Variants in A2ML1 observed in about 807,000 individuals in gnomAD.
A2ML1 encodes the protein alpha-2-macroglobulin like 1.
In A2ML1, 161 loss-of-function variants were observed where a neutral mutation model predicts 181.9. The observed-to-expected ratio is 0.89, with a 90% CI of 0.78 to 1.01. The LOEUF (loss-of-function observed/expected upper bound fraction) is 1.01. Ranked by LOEUF, A2ML1 falls within the 50% of genes least tolerant of loss-of-function variation. A2ML1 has a pLI of 0.00. For synonymous variants in A2ML1, 663 were observed against 666.8 expected (o/e 0.99, Z 0.09); for missense variants, 1,670 against 1,768.1 (o/e 0.94, Z 1.00).
At chr12:8,842,009 G>T (rs765697950) in intron 11 of A2ML1, among the ~76,000 whole-genome samples, 2 of 152,184 alleles carry the variant, frequency 1.3e-5, no homozygotes, top group Admixed American at 1.3e-4. Context: ...AGCATTCACT[G>T]CTTGTGCATC....
At chr12:8,850,916 T>G (rs967735058) in intron 18 of A2ML1, among the ~76,000 whole-genome samples, 1 of 152,016 alleles carries the variant, frequency 6.6e-6, no homozygotes, top group Non-Finnish European at 1.5e-5. Context: ...GTTTTGTATT[T>G]TTAGTAGAGG....
At chr12:8,866,065 C>T (rs188609709) in intron 29 of A2ML1, among the ~76,000 whole-genome samples, 12 of 151,736 alleles carry the variant, frequency 7.9e-5, no homozygotes, top group African/African-American at 2.2e-4. Context: ...CGCCTGTAAT[C>T]CCAGCACTTT....
At chr12:8,886,008 T>TCACACACACACA (rs1491278936) in intron 7 of A2ML1, among the ~76,000 whole-genome samples, 4 of 55,284 alleles carry the variant, frequency 7.2e-5, no homozygotes, top group African/African-American at 2.8e-4. Flanking sequence ...TTCAACAATA[T>TCACACACACACA]CTCACACACA....
intron 11 of A2ML1, among the ~76,000 whole-genome samples, chr12:8,841,848 T>C (rs1169818172): frequency 6.6e-6 from 1 of 152,186 alleles, no homozygotes; most frequent in African/African-American, 2.4e-5. Context: ...AGTCTTTTTC[T>C]TTCTCTTTCC....
intron 31 of A2ML1, 87 bp from the exon 32 acceptor site, chr12:8,868,450 G>T: frequency 6.8e-7 from 1 of 1,474,494 alleles, no homozygotes; most frequent in Non-Finnish European, 9.0e-7. Context: ...GTGTATGTGT[G>T]TGTGTACGTG....
chr12:8,823,910 T>G, intron 3 of A2ML1, 28 bp downstream of exon 3: 1 of 1,595,732 alleles, frequency 6.3e-7, no homozygotes, highest in Non-Finnish European at 8.5e-7. Context: ...GGGGTTCGAC[T>G]AAAACCTGGG....
At chr12:8,837,381 AAG>A in intron 7 of A2ML1, 57 bp from the exon 8 acceptor site, 1 of 1,592,732 alleles carries the variant, frequency 6.3e-7, no homozygotes. Flanking sequence ...TGTTTGAGGG[AAG>A]AGTTGGATCT....
intron 3 of A2ML1, among the ~76,000 whole-genome samples, chr12:8,826,965 G>C (rs1942950616): frequency 6.6e-6 from 1 of 152,092 alleles, no homozygotes; most frequent in Non-Finnish European, 1.5e-5. Context: ...CTTGATGTTT[G>C]GGAGTTTGAT....
At chr12:8,872,205 GCTA>G in intron 33 of A2ML1, among the ~76,000 whole-genome samples, 1 of 149,920 alleles carries the variant, frequency 6.7e-6, no homozygotes, top group East Asian at 1.9e-4. Context: ...AAAAAAAACT[GCTA>G]CCCCAGCTTT....
intron 18 of A2ML1, among the ~76,000 whole-genome samples, chr12:8,851,225 A>T (rs903171618): frequency 1.3e-5 from 2 of 152,108 alleles, no homozygotes; most frequent in African/African-American, 4.8e-5. Context: ...ACATCCTCAG[A>T]CTCAGAGGGC....
chr12:8,843,012 C>A, intron 11 of A2ML1, 122 bp from the exon 12 acceptor site: 1 of 835,052 alleles, frequency 1.2e-6, no homozygotes. Flanking sequence ...GAAATACCCA[C>A]ATGCCATTCT....
chr12:8,830,444 C>T (rs187050532), intron 4 of A2ML1, among the ~76,000 whole-genome samples: 4 of 151,996 alleles, frequency 2.6e-5, no homozygotes, highest in South Asian at 4.2e-4. Context: ...GGAGAATGTC[C>T]GCTTCCACTC....
At position 8,851,990 on chromosome 12, in the gene A2ML1, A is replaced by G. The variant is rs760788803; in HGVS notation, c.2441A>G (p.Asn814Ser). Residue 814 changes from asparagine (N) to serine (S), a missense_variant, in exon 19 of 36, where the codon AAT (asparagine) becomes AGT (serine). Asn to Ser is a conservative substitution (Grantham distance 46). Transcript: ENST00000299698. Reference protein sequence around the residue: ...ESFRLTATIFNYLKDCIRVQT... With the variant: ...ESFRLTATIFSYLKDCIRVQT... ...TTTCGTCTTACTGCCACCATCTTCA[A>G]TTACCTAAAGGATTGCATCAGGGTG... 173 of 1,614,008 alleles carry G rather than the reference A, an allele frequency of 1.1e-4. No individual in the cohort carries two copies. The highest frequency in any genetic ancestry group is 1.1e-3 in the Admixed American group (63 of 59,996).
chr12:8,871,638 A>C (rs1371305074), intron 33 of A2ML1, among the ~76,000 whole-genome samples: 7 of 152,072 alleles, frequency 4.6e-5, no homozygotes, highest in Admixed American at 4.6e-4. Flanking sequence ...TGATTTATCC[A>C]TTTATCCATA....
At chr12:8,885,488 C>G (rs1357129420) in intron 7 of A2ML1, among the ~76,000 whole-genome samples, 1 of 152,078 alleles carries the variant, frequency 6.6e-6, no homozygotes, top group Non-Finnish European at 1.5e-5. Context: ...CTCACTCTCT[C>G]ACTCTGTCAC....
chr12:8,829,347 A>G (rs773089938), intron 3 of A2ML1, among the ~76,000 whole-genome samples: 171 of 152,248 alleles, frequency 1.1e-3, no homozygotes, highest in African/African-American at 4.0e-3. Context: ...TGTGTGAGGA[A>G]GGAGGAGGGA....
rs779461973 is a variant in A2ML1 at position 8,854,136 on chromosome 12, A to G, written c.2599A>G (p.Asn867Asp). The G allele has an allele frequency of 7.5e-6, 12 of 1,593,654 alleles. No homozygotes were observed. Among genetic ancestry groups the G allele is most frequent in the Non-Finnish European group, 1.0e-5 (12 of 1,169,182 alleles). ...CTTCTTCTTTCTCTCAGGTCACATT[A>G]ACTTTACTATTAGTACAAAGATTCT... ...NITAVKLGHI[N>D]FTISTKILDS... Residue 867 changes from asparagine to aspartate, a missense_variant, in exon 21 of 36, where the codon AAC becomes GAC. Asn to Asp is a conservative substitution (Grantham distance 23, BLOSUM62 1). Transcript: ENST00000299698.
chr12:8,845,750 T>C (rs1017742678), intron 13 of A2ML1, among the ~76,000 whole-genome samples: 3 of 151,052 alleles, frequency 2.0e-5, no homozygotes, highest in Non-Finnish European at 4.4e-5. Context: ...CTCGGGAGGC[T>C]GAGGCAGGAG....
At chr12:8,879,656 A>G (rs1944851489), downstream of A2ML1, among the ~76,000 whole-genome samples, 1 of 152,262 alleles carries the variant, frequency 6.6e-6, no homozygotes, top group Non-Finnish European at 1.5e-5. Context: ...GGCAGAATAC[A>G]TCTTAAATGA....
Sources: allele counts gnomAD v4.1 joint callset (sites outside exome capture counted in the v4.1 genomes callset), GRCh38; gene constraint gnomAD v4.1.1; transcripts MANE v1.5; gene names NCBI Gene and HGNC (gene_info 2026-07-23, HGNC 2026-07-21).